Variants in FOXP1 observed in about 807,000 individuals in gnomAD.
FOXP1 encodes the protein forkhead box protein P1.
A neutral mutation model predicts 98.2 loss-of-function variants in FOXP1; 15 were observed. The ratio of observed to expected loss-of-function variants is 0.15; its 90% CI spans 0.10 to 0.24. FOXP1 has a LOEUF of 0.24. Ranked by LOEUF, FOXP1 falls within the 10% of genes least tolerant of loss-of-function variation. The pLI is 1.00. For missense variants in FOXP1, 633 were observed against 848.5 expected (o/e 0.75, Z 3.15); for synonymous variants, 371 against 314.5 (o/e 1.18, Z -1.90).
At chr3:71,575,590 G>A (rs1000851065) in intron 2 of FOXP1, among the ~76,000 whole-genome samples, 6 of 152,192 alleles carry the variant, frequency 3.9e-5, no homozygotes, top group African/African-American at 1.4e-4. Flanking sequence ...TCACCCCCAG[G>A]AGGGGAAGCC....
intron 4 of FOXP1, among the ~76,000 whole-genome samples, chr3:71,301,650 T>C (rs1319788742): frequency 1.3e-5 from 2 of 152,178 alleles, no homozygotes; most frequent in Non-Finnish European, 1.5e-5. Context: ...GTATTAGACT[T>C]TGCAATGCAG....
intron 3 of FOXP1, among the ~76,000 whole-genome samples, chr3:71,438,835 G>A (rs768870241): frequency 1.3e-5 from 2 of 151,836 alleles, no homozygotes; most frequent in Non-Finnish European, 2.9e-5. Context: ...TGTCAATGCA[G>A]AACCGGAATA....
intron 3 of FOXP1, among the ~76,000 whole-genome samples, chr3:71,474,205 G>A (rs1394192385): frequency 6.6e-6 from 1 of 152,086 alleles, no homozygotes; most frequent in South Asian, 2.1e-4. Context: ...TGTGGCTTAA[G>A]CATAGTATAA....
chr3:70,971,933 A>AACTACATGGGATGAGTCAACC (rs2036351580), intron 18 of FOXP1: 1 of 1,210,456 alleles, frequency 8.3e-7, no homozygotes, highest in African/African-American at 1.6e-5. Flanking sequence ...TGAAATGCAA[A>AACTACATGGGATGAGTCAACC]ACTACATGGG....
intron 3 of FOXP1, among the ~76,000 whole-genome samples, chr3:71,440,575 G>T (rs1029798866): frequency 6.6e-6 from 1 of 152,082 alleles, no homozygotes. Flanking sequence ...CTACTTGGGA[G>T]CCTGAGGCAG....
intron 3 of FOXP1, among the ~76,000 whole-genome samples, chr3:71,432,593 T>C (rs1336458263): frequency 2.0e-5 from 3 of 152,070 alleles, no homozygotes; most frequent in Admixed American, 6.5e-5. Context: ...CTGGCTCCAG[T>C]GTCTCAGTTG....
intron 19 of FOXP1, chr3:70,968,517 A>C (rs1445268944): frequency 6.6e-6 from 1 of 152,190 alleles, no homozygotes; most frequent in East Asian, 1.9e-4. Flanking sequence ...GTAATGGTGC[A>C]GAAGTCCATA....
chr3:71,536,037 A>G (rs1242598896), intron 2 of FOXP1, among the ~76,000 whole-genome samples: 3 of 152,162 alleles, frequency 2.0e-5, no homozygotes, highest in Non-Finnish European at 4.4e-5. Flanking sequence ...GCAGACTAAC[A>G]GTTGCCTTGA....
chr3:71,244,576 G>A (rs1309589776), intron 5 of FOXP1, among the ~76,000 whole-genome samples: 1 of 152,056 alleles, frequency 6.6e-6, no homozygotes, highest in Non-Finnish European at 1.5e-5. Context: ...AGAAACAGCA[G>A]GAAAAGGCTT....
At chr3:71,374,604 A>AT (rs2079583326) in intron 3 of FOXP1, among the ~76,000 whole-genome samples, 2 of 147,402 alleles carry the variant, frequency 1.4e-5, no homozygotes, top group South Asian at 4.3e-4. Flanking sequence ...CAAAAAAAAA[A>AT]ATAAAAATAA....
At chr3:71,014,238 T>G (rs930065202) in intron 12 of FOXP1, among the ~76,000 whole-genome samples, 4 of 151,800 alleles carry the variant, frequency 2.6e-5, no homozygotes, top group South Asian at 2.1e-4. Flanking sequence ...TGGGAGAAAA[T>G]TTTTGCAATC....
intron 6 of FOXP1, among the ~76,000 whole-genome samples, chr3:71,114,962 G>A (rs1051540707): frequency 3.9e-5 from 6 of 152,162 alleles, no homozygotes; most frequent in African/African-American, 1.4e-4. Context: ...GGTGCCTGCA[G>A]GAGCAAAAGC....
chr3:71,272,378 T>C (rs1236868600), intron 5 of FOXP1, among the ~76,000 whole-genome samples: 1 of 152,142 alleles, frequency 6.6e-6, no homozygotes, highest in African/African-American at 2.4e-5. Context: ...CGTGTAGAAT[T>C]ATACCCAACA....
At chr3:71,223,401 A>T (rs747559427) in intron 5 of FOXP1, among the ~76,000 whole-genome samples, 6 of 152,300 alleles carry the variant, frequency 3.9e-5, no homozygotes, top group Middle Eastern at 6.8e-3. Flanking sequence ...TTAAAAAGAA[A>T]ATATTTCATT....
rs10563814 is a variant in FOXP1, at chr3:71,115,317, T to TTTTATTTA, written c.181-2688_181-2681dup. On this transcript the variant is annotated intron_variant, in intron 6 of 20. Transcript: ENST00000649528. ...CACTCAATTATTATTATTATTATTA[T>TTTTATTTA]TTTATTTATTTATTTATTTATTTAT... is the stretch of plus-strand genomic sequence containing the variant. Among the ~76,000 whole-genome samples the TTTTATTTA allele has an allele frequency of 8.5e-3, 1,223 of 144,130 alleles. 10 individuals are homozygous for TTTTATTTA. Among genetic ancestry groups the TTTTATTTA allele is most frequent in the African/African-American group, 0.016 (611 of 39,210 alleles). The allele number at this position is 144,130 out of a possible 152,430, so 94.6% of individuals were successfully genotyped here.
intron 5 of FOXP1, among the ~76,000 whole-genome samples, chr3:71,251,093 T>C (rs746939361): frequency 2.0e-5 from 3 of 152,250 alleles, no homozygotes; most frequent in Non-Finnish European, 2.9e-5. Flanking sequence ...TTGAAAGCTT[T>C]ATGCCTGTAG....
intron 10 of FOXP1, among the ~76,000 whole-genome samples, chr3:71,042,980 G>T (rs1257731779): frequency 1.3e-5 from 2 of 152,154 alleles, no homozygotes; most frequent in Non-Finnish European, 2.9e-5. Context: ...TGTGAAATGA[G>T]TCTGATAGGA....
intron 6 of FOXP1, among the ~76,000 whole-genome samples, chr3:71,128,308 T>TAAAAAAA (rs5849990): frequency 6.8e-6 from 1 of 147,280 alleles, no homozygotes. Flanking sequence ...ACTTGAGAAC[T>TAAAAAAA]AAAAAAAAAA....
intron 2 of FOXP1, among the ~76,000 whole-genome samples, chr3:71,534,053 G>A (rs2044084678): frequency 6.6e-6 from 1 of 152,162 alleles, no homozygotes; most frequent in Non-Finnish European, 1.5e-5. Flanking sequence ...CTCAAGTCCT[G>A]CAGTCAGCCC....
Sources: allele counts gnomAD v4.1 joint callset (sites outside exome capture counted in the v4.1 genomes callset), GRCh38; gene constraint gnomAD v4.1.1; transcripts MANE v1.5; gene names NCBI Gene and HGNC (gene_info 2026-07-23, HGNC 2026-07-21).